Variants in SHOC1 observed in about 807,000 individuals in gnomAD.
SHOC1 encodes the protein protein shortage in chiasmata 1 ortholog.
A neutral mutation model predicts 179.2 loss-of-function variants in SHOC1; 136 were observed. That is an observed-to-expected ratio of 0.76 (90% CI 0.66 to 0.87). The LOEUF (loss-of-function observed/expected upper bound fraction) is 0.87, where lower values mean the gene tolerates loss of function less well. Among genes scored for constraint, SHOC1 ranks in the 40% least tolerant of loss-of-function variants. SHOC1 has a pLI of 0.00. For missense variants in SHOC1, 1,538 were observed against 1,700.8 expected, an observed-to-expected ratio of 0.90 and a Z score of 1.68; for synonymous variants, 489 against 586.6, an observed-to-expected ratio of 0.83 and a Z score of 2.41.
chr9:111,759,579 C>T (rs923613078), intron 5 of SHOC1: 16 of 1,087,448 alleles, frequency 1.5e-5, no homozygotes, highest in Non-Finnish European at 1.8e-5. Context: ...CATAAACTTG[C>T]CCCCAATTCT....
Position 111,722,464 on chromosome 9 carries a change from T to G in SHOC1, c.2076A>C (p.Gln692His), listed in dbSNP as rs140394267. ...NWKFATVIFDQTRFLLKEQEK... is the reference protein window; with the variant it reads ...NWKFATVIFDHTRFLLKEQEK... ...CTTGTTCCTTTAAGAGAAACCTTGTTTGGTCAAAAATAACAGTGGCAAATT... is the reference window on the plus strand; with the variant it reads ...CTTGTTCCTTTAAGAGAAACCTTGTGTGGTCAAAAATAACAGTGGCAAATT... The change falls in exon 15 of 28, where the codon CAA becomes CAC. Residue 692 changes from glutamine (Q) to histidine (H), a missense_variant. By Grantham distance (24) the Gln-to-His change is conservative. Coordinates refer to ENST00000682961, the MANE Select transcript of SHOC1 (RefSeq NM_001378211.1). 7.5e-4 allele frequency: 1,211 copies of G among 1,612,302 alleles called. 9 individuals are homozygous for G. In the African/African-American group the frequency reaches 0.015, roughly 19 times the overall value.
chr9:111,723,012 C>T (rs1481620256), intron 14 of SHOC1, among the ~76,000 whole-genome samples: 1 of 152,060 alleles, frequency 6.6e-6, no homozygotes, highest in African/African-American at 2.4e-5. Flanking sequence ...GATCTCTTGA[C>T]CTCATGATCC....
chr9:111,752,366 C>T (rs572013954), intron 8 of SHOC1, among the ~76,000 whole-genome samples: 1 of 152,288 alleles, frequency 6.6e-6, no homozygotes, highest in African/African-American at 2.4e-5. Flanking sequence ...TCAGCTAAGG[C>T]TATATAAAGA....
intron 3 of SHOC1, among the ~76,000 whole-genome samples, chr9:111,783,079 T>C (rs1437403064): frequency 6.6e-6 from 1 of 152,226 alleles, no homozygotes; most frequent in Non-Finnish European, 1.5e-5. Flanking sequence ...ACCAAAATTG[T>C]TTCCATTGGC....
At chr9:111,758,275 T>G (rs1641564699) in intron 6 of SHOC1, 80 bp from the exon 7 acceptor site, 1 of 749,614 alleles carries the variant, frequency 1.3e-6, no homozygotes, top group Non-Finnish European at 2.1e-6. Flanking sequence ...ACATAATCAT[T>G]AAAATTAAAG....
chr9:111,720,260 C>T (rs773621484), intron 15 of SHOC1, among the ~76,000 whole-genome samples: 1 of 152,194 alleles, frequency 6.6e-6, no homozygotes, highest in South Asian at 2.1e-4. Flanking sequence ...ATGTGTTTTG[C>T]TTTCAGCATT....
At chr9:111,713,472 A>G (rs1308478094) in intron 17 of SHOC1, among the ~76,000 whole-genome samples, 1 of 152,210 alleles carries the variant, frequency 6.6e-6, no homozygotes, top group Non-Finnish European at 1.5e-5. Context: ...TTCAACTCAC[A>G]TGTTTAAATT....
At position 111,756,442 on chromosome 9, in the gene SHOC1, G is replaced by A; in HGVS notation, c.745C>T (p.Pro249Ser). ...TCAATTTCTGGTTTGAGGCTTGGAG[G>A]TATTAAGAATTCATACTCAATAAGA... is the stretch of plus-strand genomic sequence containing the variant. ...SFLIEYEFLI[P>S]PSLKPEIDIP... Residue 249 changes from proline (P) to serine (S), a missense_variant, in exon 8 of 28, where the codon CCT becomes TCT. By Grantham distance (74) the Pro-to-Ser change is moderately conservative. Transcript: ENST00000682961. The A allele has an allele frequency of 1.9e-6, 3 of 1,609,182 alleles. No individual in the cohort carries two copies. The highest frequency in any genetic ancestry group is 2.5e-6 in the Non-Finnish European group (3 of 1,178,530).
At position 111,738,273 on chromosome 9, in the gene SHOC1, T is replaced by C; in HGVS notation, c.1417+7A>G. 6.2e-7 allele frequency: 1 copy of C among 1,601,804 alleles called. No homozygotes were observed. The highest frequency in any genetic ancestry group is 8.5e-7 in the Non-Finnish European group (1 of 1,171,474). Reference sequence around the variant, plus strand: ...TACATAACTAATATTTACTGTGATGTACTTACATTCTAATTGAAGCACTTT... The same window carrying C: ...TACATAACTAATATTTACTGTGATGCACTTACATTCTAATTGAAGCACTTT... On this transcript the variant is annotated splice_region_variant and intron_variant, in intron 12 of 27. Transcript: ENST00000682961.
chr9:111,765,494 G>A (rs888380720), intron 5 of SHOC1, among the ~76,000 whole-genome samples: 1 of 151,720 alleles, frequency 6.6e-6, no homozygotes, highest in Non-Finnish European at 1.5e-5. Flanking sequence ...GGAGGCTGAG[G>A]CACAAGAATC....
At chr9:111,721,021 A>G (rs28796028) in intron 15 of SHOC1, among the ~76,000 whole-genome samples, 8,536 of 152,224 alleles carry the variant, frequency 0.056, 598 homozygotes, top group African/African-American at 0.16. Context: ...TTGTATTCAT[A>G]TCAATCCTCT....
intron 25 of SHOC1, 29 bp from the exon 26 acceptor site, chr9:111,693,977 C>A: frequency 6.4e-7 from 1 of 1,567,888 alleles, no homozygotes; most frequent in South Asian, 1.1e-5. Context: ...AATAATCAGT[C>A]AGTAGTCTTT....
chr9:111,686,766 T>C lies in SHOC1; in HGVS notation c.*4A>G. The C allele has an allele frequency of 1.3e-6, 2 of 1,590,556 alleles. No individual in the cohort carries two copies. The highest frequency in any genetic ancestry group is 1.7e-6 in the Non-Finnish European group (2 of 1,159,104). ...ATGGCATGTAACATTGCTCTTCTCC[T>C]CCTTCAAAAAAACCTCAGCCGAGTC... On this transcript the variant is annotated 3_prime_UTR_variant, in exon 28 of 28. Coordinates refer to ENST00000682961, the MANE Select transcript of SHOC1 (RefSeq NM_001378211.1).
chr9:111,725,746 T>A (rs1833267785), intron 13 of SHOC1, among the ~76,000 whole-genome samples: 1 of 152,248 alleles, frequency 6.6e-6, no homozygotes, highest in Non-Finnish European at 1.5e-5. Flanking sequence ...CATTCCCTCA[T>A]AACATTAATG....
At position 111,702,238 on chromosome 9, in the gene SHOC1, T is replaced by A. The variant is rs761959789; in HGVS notation, c.2968-12A>T. The A allele has an allele frequency of 2.5e-5, 35 of 1,383,740 alleles. No homozygotes were observed. The African/African-American group carries it at 3.2e-4, about 13-fold the overall frequency. The allele number at this position is 1,383,740 out of a possible 1,614,324, so 85.7% of individuals were successfully genotyped here. On this transcript the variant is annotated splice_polypyrimidine_tract_variant and intron_variant, in intron 22 of 27. Coordinates refer to ENST00000682961, the MANE Select transcript of SHOC1 (RefSeq NM_001378211.1). ...AATTCTTCTAGATCCTATCAGAAAATAAAGAAAATGTAAAAATTCATTAGG... is the reference window on the plus strand; with the variant it reads ...AATTCTTCTAGATCCTATCAGAAAAAAAAGAAAATGTAAAAATTCATTAGG...
At chr9:111,750,915 T>C (rs894941570) in intron 8 of SHOC1, among the ~76,000 whole-genome samples, 1 of 152,192 alleles carries the variant, frequency 6.6e-6, no homozygotes, top group African/African-American at 2.4e-5. Flanking sequence ...TGCAATCTTT[T>C]CCCATGCCTA....
intron 1 of SHOC1, among the ~76,000 whole-genome samples, chr9:111,791,679 G>A (rs992003169): frequency 2.6e-5 from 4 of 152,142 alleles, no homozygotes; most frequent in African/African-American, 9.7e-5. Flanking sequence ...CTGTTAGTTG[G>A]TTGGTGGAAA....
In SHOC1 at chr9:111,777,029, G is replaced by A. The variant is rs147366881; in HGVS notation, c.258-1054C>T. ...CAGGTAAGGGCTTGGGAAGTGGGGA[G>A]TGCTGACTGTTCAGGTTGGAGATGG... is the stretch of plus-strand genomic sequence containing the variant. On this transcript the variant is annotated intron_variant, in intron 4 of 27. Coordinates refer to ENST00000682961, the MANE Select transcript of SHOC1 (RefSeq NM_001378211.1). Among the ~76,000 whole-genome samples the A allele has an allele frequency of 4.9e-4, 74 of 152,320 alleles. No individual in the cohort carries two copies. The East Asian group carries it at 9.1e-3, about 19-fold the overall frequency.
chr9:111,702,850 C>T (rs541100527), intron 22 of SHOC1, among the ~76,000 whole-genome samples: 1 of 152,256 alleles, frequency 6.6e-6, no homozygotes, highest in African/African-American at 2.4e-5. Flanking sequence ...TAGCTCATGC[C>T]TATAATCCCA....
Sources: gnomAD v4.1 joint callset for allele counts (sites outside exome capture counted in the v4.1 genomes callset) on GRCh38, gnomAD v4.1.1 for gene constraint, MANE v1.5 for transcripts, NCBI Gene and HGNC (gene_info 2026-07-23, HGNC 2026-07-21) for gene names.